DLGAP1: variants seen among roughly 807,000 people sequenced by gnomAD.
DLGAP1 encodes the protein DLG associated protein 1, also known as disks large-associated protein 1.
A neutral mutation model predicts 90.8 loss-of-function variants in DLGAP1; 11 were observed. The ratio of observed to expected loss-of-function variants is 0.12; its 90% confidence interval spans 0.08 to 0.20. The LOEUF (loss-of-function observed/expected upper bound fraction) is 0.20, where lower values mean the gene tolerates loss of function less well. DLGAP1 is among the 10% of genes least tolerant of loss of function. The pLI is 1.00. For missense variants in DLGAP1, 1,050 were observed against 1,333.8 expected, an observed-to-expected ratio of 0.79 and a Z score of 3.31; for synonymous variants, 558 against 540.7, an observed-to-expected ratio of 1.03 and a Z score of -0.44.
chr18:4,054,152 C>T (rs995723226), intron 2 of DLGAP1, among the ~76,000 whole-genome samples: 4 of 152,160 alleles, frequency 2.6e-5, no homozygotes, highest in Admixed American at 2.0e-4. Context: ...GATTCTCACT[C>T]GCTCCCTGAT....
At chr18:3,571,683 T>C (rs678896) in intron 8 of DLGAP1, among the ~76,000 whole-genome samples, 85,632 of 151,122 alleles carry the variant, frequency 0.57, 25,020 homozygotes, top group East Asian at 0.99. Context: ...GCGTCCACCA[T>C]GCCCGGCTAA....
intron 7 of DLGAP1, among the ~76,000 whole-genome samples, chr18:3,719,047 C>T (rs1024379796): frequency 6.6e-6 from 1 of 151,596 alleles, no homozygotes; most frequent in Non-Finnish European, 1.5e-5. Context: ...TTATATTTGA[C>T]ATTTGAAGCA....
chr18:4,437,435 T>C (rs1367846952), intron 1 of DLGAP1, among the ~76,000 whole-genome samples: 1 of 152,244 alleles, frequency 6.6e-6, no homozygotes, highest in Non-Finnish European at 1.5e-5. Context: ...GTCTCTGGTA[T>C]AAAATGGTAT....
chr18:3,779,858 C>T lies in DLGAP1; in HGVS notation c.1172+34201G>A, dbSNP rs147839574. Among the ~76,000 whole-genome samples the T allele has an allele frequency of 5.4e-5, 8 of 148,646 alleles. No homozygotes were observed. In the Middle Eastern group the frequency reaches 0.01, roughly 194 times the overall value. On this transcript the variant is annotated intron_variant, in intron 5 of 12. Transcript: ENST00000315677. Reference sequence around the variant, plus strand: ...AGGCTGGAGTGCAGTGGTGTGATCTCGGCTTACTGCAACCTCCACCTCCCG... The same window carrying T: ...AGGCTGGAGTGCAGTGGTGTGATCTTGGCTTACTGCAACCTCCACCTCCCG...
intron 9 of DLGAP1, among the ~76,000 whole-genome samples, chr18:3,549,094 TCACAGTTATATATG>T (rs2053228871): frequency 6.6e-6 from 1 of 152,206 alleles, no homozygotes; most frequent in South Asian, 2.1e-4. Flanking sequence ...GGAAATTTTA[TCACAGTTATATATG>T]CACAGTTTTA....
At chr18:4,357,668 G>C (rs2144062902) in intron 1 of DLGAP1, among the ~76,000 whole-genome samples, 1 of 152,366 alleles carries the variant, frequency 6.6e-6, no homozygotes, top group South Asian at 2.1e-4. Context: ...AACCAGAGTA[G>C]CTCATCTGCT....
intron 2 of DLGAP1, among the ~76,000 whole-genome samples, chr18:4,094,831 C>T (rs2075650722): frequency 6.6e-6 from 1 of 152,140 alleles, no homozygotes; most frequent in African/African-American, 2.4e-5. Flanking sequence ...CTCCTGACCT[C>T]AGGTGATCCA....
intron 9 of DLGAP1, among the ~76,000 whole-genome samples, chr18:3,542,578 A>C (rs1181093894): frequency 6.6e-6 from 1 of 152,218 alleles, no homozygotes; most frequent in Non-Finnish European, 1.5e-5. Context: ...ACACCAGAAA[A>C]ATAACATCCT....
intron 1 of DLGAP1, among the ~76,000 whole-genome samples, chr18:4,306,453 G>C (rs1568503583): frequency 1.0e-5 from 1 of 98,150 alleles, no homozygotes; most frequent in Non-Finnish European, 2.0e-5. Context: ...GTGTGTGTGT[G>C]TGTGTGTGTG....
intron 1 of DLGAP1, among the ~76,000 whole-genome samples, chr18:4,271,056 G>T (rs1378017196): frequency 6.6e-6 from 1 of 152,134 alleles, no homozygotes; most frequent in Non-Finnish European, 1.5e-5. Context: ...AGAAGACACA[G>T]AAGCCAGCTG....
At chr18:4,411,265 C>G (rs1329800980) in intron 1 of DLGAP1, among the ~76,000 whole-genome samples, 1 of 152,162 alleles carries the variant, frequency 6.6e-6, no homozygotes, top group Non-Finnish European at 1.5e-5. Flanking sequence ...ACCCACCACA[C>G]AGCTAACAAT....
chr18:3,868,886 C>T (rs2070569868), intron 4 of DLGAP1, among the ~76,000 whole-genome samples: 1 of 152,102 alleles, frequency 6.6e-6, no homozygotes, highest in South Asian at 2.1e-4. Flanking sequence ...CGACTTTGGG[C>T]ACGAGCAAAG....
At chr18:4,022,147 C>T (rs533985484) in intron 2 of DLGAP1, among the ~76,000 whole-genome samples, 75 of 152,054 alleles carry the variant, frequency 4.9e-4, no homozygotes, top group Middle Eastern at 3.4e-3. Context: ...TTTGTTTTTT[C>T]CTCAACTTTT....
chr18:3,645,446 C>T (rs1772581031), intron 7 of DLGAP1, among the ~76,000 whole-genome samples: 1 of 152,008 alleles, frequency 6.6e-6, no homozygotes, highest in Non-Finnish European at 1.5e-5. Context: ...ACCAGCATTC[C>T]CAACTTCATG....
chr18:3,931,585 C>T (rs948417327), intron 3 of DLGAP1, among the ~76,000 whole-genome samples: 17 of 152,082 alleles, frequency 1.1e-4, no homozygotes, highest in African/African-American at 3.9e-4. Context: ...ATTAATTATG[C>T]ACAAGGTAAT....
At chr18:3,800,588 A>G (rs1755352546) in intron 5 of DLGAP1, among the ~76,000 whole-genome samples, 1 of 152,232 alleles carries the variant, frequency 6.6e-6, no homozygotes, top group South Asian at 2.1e-4. Flanking sequence ...ATATGCTTAG[A>G]ACATTTCTGA....
chr18:4,217,133 G>A (rs1216652969), intron 1 of DLGAP1, among the ~76,000 whole-genome samples: 2 of 152,086 alleles, frequency 1.3e-5, no homozygotes, highest in Admixed American at 6.6e-5. Context: ...AGAAGATGCA[G>A]TATACAGCCT....
intron 1 of DLGAP1, among the ~76,000 whole-genome samples, chr18:4,337,486 C>T (rs536192543): frequency 5.9e-5 from 9 of 151,898 alleles, no homozygotes; most frequent in South Asian, 2.1e-4. Context: ...CCACTGTGCC[C>T]GGCAAAGAGA....
chr18:3,978,232 G>T, intron 3 of DLGAP1: 1 of 430,858 alleles, frequency 2.3e-6, no homozygotes, highest in Non-Finnish European at 4.5e-6. Context: ...CATCGTTCAT[G>T]CCCATCAGCA....
Sources: gnomAD v4.1 joint callset for allele counts (sites outside exome capture counted in the v4.1 genomes callset) on GRCh38, gnomAD v4.1.1 for gene constraint, MANE v1.5 for transcripts, NCBI Gene and HGNC (gene_info 2026-07-23, HGNC 2026-07-21) for gene names.